Variants in KCNMB2 observed in about 807,000 individuals in gnomAD.
The protein encoded by KCNMB2 is potassium calcium-activated channel subfamily M regulatory beta subunit 2.
A neutral mutation model predicts 24.5 loss-of-function variants in KCNMB2; 9 were observed. The ratio of observed to expected loss-of-function variants is 0.37; its 90% CI spans 0.22 to 0.64. The LOEUF is 0.64. Ranked by LOEUF, KCNMB2 falls within the 30% of genes least tolerant of loss-of-function variation. The probability of loss-of-function intolerance (pLI) is 0.63; values close to 1 mark genes in which losing one functional copy is unlikely to be tolerated. For synonymous variants in KCNMB2, 109 were observed against 104.4 expected, an observed-to-expected ratio of 1.04 and a Z score of -0.27; for missense variants, 226 against 284.3, an observed-to-expected ratio of 0.79 and a Z score of 1.47.
At chr3:178,554,344 G>T (rs932336660) in intron 1 of KCNMB2, among the ~76,000 whole-genome samples, 10 of 152,156 alleles carry the variant, frequency 6.6e-5, no homozygotes, top group Non-Finnish European at 1.5e-4. Context: ...ATTCAAGCCT[G>T]AAATATTTAT....
chr3:178,784,373 A>G (rs749742586), intron 1 of KCNMB2, among the ~76,000 whole-genome samples: 20 of 152,166 alleles, frequency 1.3e-4, no homozygotes, highest in Non-Finnish European at 2.2e-4. Context: ...AAGCAAGTCC[A>G]TCTGCCTTTT....
At chr3:178,620,875 G>A (rs1718898038) in intron 1 of KCNMB2, among the ~76,000 whole-genome samples, 1 of 152,208 alleles carries the variant, frequency 6.6e-6, no homozygotes, top group Non-Finnish European at 1.5e-5. Flanking sequence ...AGGCAGAGAA[G>A]GACAGAGCAA....
intron 1 of KCNMB2, among the ~76,000 whole-genome samples, chr3:178,584,975 A>T (rs1343919918): frequency 6.6e-6 from 1 of 152,142 alleles, no homozygotes; most frequent in Non-Finnish European, 1.5e-5. Context: ...ACCTATCTAC[A>T]ATGTTCTTTC....
rs1241528986 is a variant in KCNMB2 at position 178,756,581 on chromosome 3, A to C, written c.-67-50762A>C. ...CCTGAACCTGGGTAAAATGAATATA[A>C]ATTTCTCTGACTTTCAGCCTCAGAA... On this transcript the variant is annotated intron_variant, in intron 1 of 4. Coordinates refer to ENST00000452583, the MANE Select transcript of KCNMB2 (RefSeq NM_181361.3). Among the ~76,000 whole-genome samples, 3 of 152,192 alleles carry C rather than the reference A, an allele frequency of 2.0e-5. No individual in the cohort carries two copies. In the East Asian group the frequency reaches 5.8e-4, roughly 29 times the overall value.
chr3:178,708,518 G>A (rs1722351259), intron 1 of KCNMB2, among the ~76,000 whole-genome samples: 1 of 152,116 alleles, frequency 6.6e-6, no homozygotes, highest in Admixed American at 6.5e-5. Flanking sequence ...CAGGTAGTCT[G>A]ATGGCAGAGC....
intron 1 of KCNMB2, among the ~76,000 whole-genome samples, chr3:178,581,467 C>T (rs760221226): frequency 4.6e-5 from 7 of 152,132 alleles, no homozygotes; most frequent in African/African-American, 9.7e-5. Flanking sequence ...GCAAAGTCTT[C>T]GTGACTAAAA....
At chr3:178,784,891 A>C (rs1404461349) in intron 1 of KCNMB2, among the ~76,000 whole-genome samples, 15 of 151,346 alleles carry the variant, frequency 9.9e-5, no homozygotes, top group African/African-American at 3.4e-4. Flanking sequence ...AAAAAAAAAA[A>C]AAAAACTATC....
At chr3:178,758,093 TATATATATATAC>T (rs1193415121) in intron 1 of KCNMB2, among the ~76,000 whole-genome samples, 2 of 100,680 alleles carry the variant, frequency 2.0e-5, no homozygotes, top group East Asian at 3.1e-4. Flanking sequence ...CACAAGAGGA[TATATATATATAC>T]ACACAAGAGG....
At chr3:178,558,486 C>A (rs1716202116) in intron 1 of KCNMB2, among the ~76,000 whole-genome samples, 1 of 152,192 alleles carries the variant, frequency 6.6e-6, no homozygotes, top group Non-Finnish European at 1.5e-5. Context: ...TAGAACACTT[C>A]TTTCAGAATT....
intron 1 of KCNMB2, among the ~76,000 whole-genome samples, chr3:178,607,628 C>CGT (rs143508589): frequency 0.08 from 11,717 of 147,288 alleles, 535 homozygotes; most frequent in African/African-American, 0.13. Flanking sequence ...ATTGTGCATG[C>CGT]GTGTGTGTGT....
At position 178,738,799 on chromosome 3, in the gene KCNMB2, C is replaced by T. The variant is rs60506621; in HGVS notation, c.-67-68544C>T. 4.0e-3 allele frequency among the ~76,000 whole-genome samples: 605 copies of T among 152,200 alleles called. 4 individuals are homozygous for T. The highest frequency in any genetic ancestry group is 0.013 in the African/African-American group (543 of 41,512). The stretch of plus-strand genomic sequence containing the variant: ...TCACTGAAACATAAACCCCTGAGGG[C>T]GGAAACTTTGTCTTTACCAGCATCT... On this transcript the variant is annotated intron_variant, in intron 1 of 4. Coordinates refer to ENST00000452583, the MANE Select transcript of KCNMB2 (RefSeq NM_181361.3).
At chr3:178,802,111 G>A (rs543962520) in intron 1 of KCNMB2, among the ~76,000 whole-genome samples, 3 of 152,026 alleles carry the variant, frequency 2.0e-5, no homozygotes, top group South Asian at 4.1e-4. Flanking sequence ...CATATATTTG[G>A]CTTCTTCCCC....
intron 1 of KCNMB2, among the ~76,000 whole-genome samples, chr3:178,614,572 G>A (rs1718639760): frequency 6.6e-6 from 1 of 151,676 alleles, no homozygotes. Context: ...CTCTCACCAG[G>A]TCCTTCCCAC....
At chr3:178,838,422 A>C (rs996841728) in intron 4 of KCNMB2, among the ~76,000 whole-genome samples, 1 of 152,154 alleles carries the variant, frequency 6.6e-6, no homozygotes, top group African/African-American at 2.4e-5. Flanking sequence ...TAGCTGGTTA[A>C]ATTTTAAGGT....
intron 1 of KCNMB2, among the ~76,000 whole-genome samples, chr3:178,712,856 C>T (rs547580049): frequency 1.2e-4 from 19 of 152,194 alleles, no homozygotes; most frequent in Admixed American, 3.3e-4. Context: ...CTGTGAACTT[C>T]GTAACACATC....
intron 1 of KCNMB2, among the ~76,000 whole-genome samples, chr3:178,667,685 G>A (rs751822181): frequency 2.9e-4 from 44 of 151,892 alleles, no homozygotes; most frequent in Non-Finnish European, 5.3e-4. Context: ...CCTTGATCTT[G>A]GATTTCCAGC....
chr3:178,615,928 G>T (rs1577050994), intron 1 of KCNMB2, among the ~76,000 whole-genome samples: 1 of 152,234 alleles, frequency 6.6e-6, no homozygotes, highest in Non-Finnish European at 1.5e-5. Context: ...AAGGCAGTGG[G>T]TTCTCTTCTG....
At position 178,721,621 on chromosome 3, in the gene KCNMB2, T is replaced by C. The variant is rs189709657; in HGVS notation, c.-67-85722T>C. 4.9e-3 allele frequency among the ~76,000 whole-genome samples: 750 copies of C among 152,366 alleles called. 5 individuals are homozygous for C. In the Middle Eastern group the frequency reaches 0.068, roughly 14 times the overall value. ...GCAATTACTGGGTTCATGTCATAAG[T>C]GTATGTTTAACTTTGTAAGAAACTA... On this transcript the variant is annotated intron_variant, in intron 1 of 4. Coordinates refer to ENST00000452583, the MANE Select transcript of KCNMB2 (RefSeq NM_181361.3).
At chr3:178,671,532 C>A (rs1005753595) in intron 1 of KCNMB2, among the ~76,000 whole-genome samples, 25 of 152,202 alleles carry the variant, frequency 1.6e-4, no homozygotes, top group African/African-American at 4.3e-4. Context: ...TGTCTCAGAG[C>A]GGCAAGCTCT....
Sources: gnomAD v4.1 joint callset for allele counts (sites outside exome capture counted in the v4.1 genomes callset) on GRCh38, gnomAD v4.1.1 for gene constraint, MANE v1.5 for transcripts, NCBI Gene and HGNC (gene_info 2026-07-23, HGNC 2026-07-21) for gene names.